GNG2: variants seen among roughly 807,000 people sequenced by gnomAD.
GNG2 encodes guanine nucleotide-binding protein G(I)/G(S)/G(O) subunit gamma-2.
Under a neutral mutation model 5.5 loss-of-function variants are expected in GNG2, and 5 were observed. The ratio of observed to expected loss-of-function variants is 0.91; its 90% CI spans 0.48 to 1.92. The LOEUF (loss-of-function observed/expected upper bound fraction) is 1.92. Among genes scored for constraint, GNG2 ranks in the 30% most tolerant of loss-of-function variants. The probability of loss-of-function intolerance (pLI) is 0.01; values close to 1 mark genes in which losing one functional copy is unlikely to be tolerated. For missense variants in GNG2, 55 were observed against 88.4 expected (o/e 0.62, Z 1.52); for synonymous variants, 28 against 32.0 (o/e 0.88, Z 0.42).
chr14:51,915,302 T>C (rs1428946332), intron 2 of GNG2, among the ~76,000 whole-genome samples: 1 of 152,250 alleles, frequency 6.6e-6, no homozygotes, highest in Non-Finnish European at 1.5e-5. Context: ...ACTTCTATTT[T>C]GTCATATTAC....
intron 2 of GNG2, among the ~76,000 whole-genome samples, chr14:51,912,144 G>A (rs1886336920): frequency 7.9e-6 from 1 of 126,430 alleles, no homozygotes; most frequent in Non-Finnish European, 1.6e-5. Context: ...CTCAAACTTG[G>A]GCAGTGTGGC....
chr14:51,873,279 G>A (rs1004468251), intron 1 of GNG2, among the ~76,000 whole-genome samples: 1 of 152,132 alleles, frequency 6.6e-6, no homozygotes, highest in African/African-American at 2.4e-5. Context: ...GGGCTTCTGG[G>A]GGAACAATCT....
intron 2 of GNG2, among the ~76,000 whole-genome samples, chr14:51,901,193 T>C (rs1276638456): frequency 1.3e-5 from 2 of 152,144 alleles, no homozygotes; most frequent in African/African-American, 2.4e-5. Flanking sequence ...TTTCTTTTTT[T>C]TTTTCTTTTC....
chr14:51,901,963 TAAAAAAAAAA>T (rs34308582), intron 2 of GNG2, among the ~76,000 whole-genome samples: 3 of 56,448 alleles, frequency 5.3e-5, no homozygotes, highest in African/African-American at 1.3e-4. Flanking sequence ...TAACAATCTG[TAAAAAAAAAA>T]AAAAAAAAAA....
rs1286111918 is a variant in GNG2 at position 51,896,885 on chromosome 14, CATA to C, written c.-30+19230_-30+19232del. Among the ~76,000 whole-genome samples the C allele has an allele frequency of 7.2e-5, 11 of 152,066 alleles. No individual in the cohort carries two copies. In the East Asian group the frequency reaches 2.1e-3, roughly 29 times the overall value. On this transcript the variant is annotated intron_variant, in intron 2 of 3. Coordinates refer to ENST00000556766, the MANE Select transcript of GNG2 (RefSeq NM_053064.5). The stretch of plus-strand genomic sequence containing the variant: ...AGGATTATAATACATGAACTAAAAT[CATA>C]AGGAAATAGAATAATGTGTCATTAT...
Position 51,966,681 on chromosome 14 carries a change from C to G in GNG2, c.210C>G (p.Ile70Met). 1 of 1,613,754 alleles carries G rather than the reference C, an allele frequency of 6.2e-7. No individual in the cohort carries two copies. Among genetic ancestry groups the G allele is most frequent in the Non-Finnish European group, 8.5e-7 (1 of 1,179,738 alleles). Residue 70 changes from isoleucine (I) to methionine (M), a missense_variant, in exon 4 of 4, where the codon ATC becomes ATG. Physicochemically the swap from Ile to Met is conservative, Grantham distance 10. Transcript: ENST00000556766. ...PFREKKFFCA[I>M]L ...GGGAGAAGAAGTTTTTCTGTGCCATCCTTTAAGTCTTTGAGAGGGGCCTGA... is the reference window on the plus strand; with the variant it reads ...GGGAGAAGAAGTTTTTCTGTGCCATGCTTTAAGTCTTTGAGAGGGGCCTGA...
chr14:51,851,493 A>C (rs958621377), intron 2 of GNG2, among the ~76,000 whole-genome samples: 3 of 152,184 alleles, frequency 2.0e-5, no homozygotes, highest in African/African-American at 7.2e-5. Flanking sequence ...GAGTTCATTT[A>C]CTCATTTGAC....
intron 2 of GNG2, among the ~76,000 whole-genome samples, chr14:51,832,077 C>T (rs57762833): frequency 0.049 from 7,520 of 151,934 alleles, 712 homozygotes; most frequent in East Asian, 0.44. Context: ...CCCAGGAGTA[C>T]GAGACCAGCT....
At chr14:51,840,021 T>C (rs1290304980) in intron 2 of GNG2, among the ~76,000 whole-genome samples, 1 of 152,194 alleles carries the variant, frequency 6.6e-6, no homozygotes, top group African/African-American at 2.4e-5. Flanking sequence ...AAATGTGTTA[T>C]AGTTTTGTAT....
chr14:51,907,061 G>A (rs1032901779), intron 2 of GNG2, among the ~76,000 whole-genome samples: 2 of 152,116 alleles, frequency 1.3e-5, no homozygotes, highest in Non-Finnish European at 2.9e-5. Context: ...GGCCGCTGGA[G>A]AATCTTTTAC....
rs1890064704 is a variant in GNG2 at position 51,968,784 on chromosome 14, G to A, written c.*2097G>A. On this transcript the variant is annotated 3_prime_UTR_variant, in exon 4 of 4. Coordinates refer to ENST00000556766, the MANE Select transcript of GNG2 (RefSeq NM_053064.5). Reference sequence around the variant, plus strand: ...TGGTCACATGAAAACACGGATGAATGAATAAAACACTCTTTGGTGGTGACT... The same window carrying A: ...TGGTCACATGAAAACACGGATGAATAAATAAAACACTCTTTGGTGGTGACT... 1 of 152,192 alleles carries A rather than the reference G, an allele frequency of 6.6e-6. No individual in the cohort carries two copies. Among genetic ancestry groups the A allele is most frequent in the South Asian group, 2.1e-4 (1 of 4,828 alleles). 9.4% of individuals were successfully genotyped at this position (152,192 alleles called of 1,614,324 possible). A position where few individuals can be genotyped will look rare whatever the true frequency, so the allele number is the denominator to read the frequency against.
chr14:51,867,471 G>C (rs1882978426), intron 1 of GNG2, among the ~76,000 whole-genome samples: 1 of 152,160 alleles, frequency 6.6e-6, no homozygotes. Context: ...CATTACCTCA[G>C]TTATGACAAT....
intron 2 of GNG2, among the ~76,000 whole-genome samples, chr14:51,846,686 A>G (rs192212247): frequency 1.3e-3 from 202 of 152,268 alleles, no homozygotes; most frequent in Non-Finnish European, 1.2e-3. Flanking sequence ...TCACCTGAGA[A>G]TGGCATCTGC....
chr14:51,865,713 A>T (rs1263307163), intron 1 of GNG2, among the ~76,000 whole-genome samples: 3 of 151,380 alleles, frequency 2.0e-5, no homozygotes, highest in Admixed American at 6.6e-5. Flanking sequence ...TATTTTGTTT[A>T]AAAAAAAAGA....
intron 2 of GNG2, among the ~76,000 whole-genome samples, chr14:51,926,601 C>T (rs978791887): frequency 2.0e-5 from 3 of 152,162 alleles, no homozygotes; most frequent in East Asian, 1.9e-4. Flanking sequence ...TACCGGCCTG[C>T]GCACTGGGCA....
intron 3 of GNG2, among the ~76,000 whole-genome samples, chr14:51,960,576 T>C (rs1889548976): frequency 8.0e-6 from 1 of 125,074 alleles, no homozygotes; most frequent in Non-Finnish European, 1.5e-5. Flanking sequence ...TTCTTGATCA[T>C]GTGGACGATA....
intron 2 of GNG2, among the ~76,000 whole-genome samples, chr14:51,845,776 TC>T (rs1412089129): frequency 1.3e-5 from 2 of 152,164 alleles, no homozygotes; most frequent in Non-Finnish European, 2.9e-5. Context: ...AGCTCTGAAT[TC>T]CCCATCTGCA....
intron 3 of GNG2, among the ~76,000 whole-genome samples, chr14:51,959,682 G>T (rs76657768): frequency 6.6e-6 from 1 of 151,754 alleles, no homozygotes; most frequent in African/African-American, 2.4e-5. Flanking sequence ...GTAAGTCAAT[G>T]GGTCACCATT....
At chr14:51,842,183 G>T (rs74049460) in intron 2 of GNG2, among the ~76,000 whole-genome samples, 3,667 of 152,278 alleles carry the variant, frequency 0.024, 143 homozygotes, top group African/African-American at 0.084. Context: ...TCAGATATGA[G>T]ACTATTGTCC....
Sources: allele counts gnomAD v4.1 joint callset (sites outside exome capture counted in the v4.1 genomes callset), GRCh38; gene constraint gnomAD v4.1.1; transcripts MANE v1.5; gene names NCBI Gene and HGNC (gene_info 2026-07-23, HGNC 2026-07-21).